Variants in DPP10 observed in about 807,000 individuals in gnomAD.
The protein encoded by DPP10 is dipeptidyl peptidase like 10.
In DPP10, 33 loss-of-function variants were observed where a neutral mutation model predicts 120.9. The observed-to-expected ratio is 0.27, with a 90% CI of 0.21 to 0.37. The LOEUF (loss-of-function observed/expected upper bound fraction) is 0.37, where lower values mean the gene tolerates loss of function less well. DPP10 is among the 10% of genes least tolerant of loss of function. DPP10 has a pLI of 1.00. For missense variants in DPP10, 816 were observed against 942.8 expected, an observed-to-expected ratio of 0.87 and a Z score of 1.76; for synonymous variants, 337 against 326.1, an observed-to-expected ratio of 1.03 and a Z score of -0.36.
At chr2:114,647,545 A>G (rs140349544) in intron 1 of DPP10, among the ~76,000 whole-genome samples, 365 of 152,198 alleles carry the variant, frequency 2.4e-3, no homozygotes, top group African/African-American at 8.4e-3. Context: ...TGGGTTCTAC[A>G]CCTGTAATGA....
At chr2:115,263,575 A>T (rs545438656) in intron 1 of DPP10, among the ~76,000 whole-genome samples, 1 of 150,738 alleles carries the variant, frequency 6.6e-6, no homozygotes, top group African/African-American at 2.4e-5. Context: ...CCTCTATAGA[A>T]TATGTGCTAT....
chr2:115,754,290 C>A (rs1679121262), intron 11 of DPP10, among the ~76,000 whole-genome samples: 1 of 152,120 alleles, frequency 6.6e-6, no homozygotes, highest in Non-Finnish European at 1.5e-5. Flanking sequence ...AGGACTCCAG[C>A]AATCTATGGA....
At position 114,794,832 on chromosome 2, in the gene DPP10, T is replaced by A. The variant is rs534412298; in HGVS notation, c.60+351994T>A. The stretch of plus-strand genomic sequence containing the variant: ...GTGTCAAAAATACAGTTTTACATTA[T>A]TTTTTCATTCGCGTTATTAAACATT... On this transcript the variant is annotated intron_variant, in intron 1 of 25. Coordinates refer to ENST00000410059, the MANE Select transcript of DPP10 (RefSeq NM_020868.6). Among the ~76,000 whole-genome samples, 10 of 152,316 alleles carry A rather than the reference T, an allele frequency of 6.6e-5. No homozygotes were observed. In the East Asian group the frequency reaches 1.9e-3, roughly 29 times the overall value.
intron 1 of DPP10, among the ~76,000 whole-genome samples, chr2:115,132,514 C>T (rs947219794): frequency 2.6e-5 from 4 of 152,196 alleles, no homozygotes; most frequent in African/African-American, 9.6e-5. Flanking sequence ...TCTGTCATTT[C>T]TGTCATGTGA....
At chr2:115,245,005 TC>T (rs1432498209) in intron 1 of DPP10, among the ~76,000 whole-genome samples, 1 of 151,800 alleles carries the variant, frequency 6.6e-6, no homozygotes, top group East Asian at 1.9e-4. Flanking sequence ...CTCAGCCCCT[TC>T]CCCCCGAGTC....
At chr2:115,824,663 A>G (rs2150072738) in intron 21 of DPP10, among the ~76,000 whole-genome samples, 1 of 152,110 alleles carries the variant, frequency 6.6e-6, no homozygotes, top group South Asian at 2.1e-4. Context: ...ATTCTTTTTT[A>G]TGGCCACTTC....
At chr2:114,886,090 C>G (rs1180429602) in intron 1 of DPP10, among the ~76,000 whole-genome samples, 1 of 152,062 alleles carries the variant, frequency 6.6e-6, no homozygotes, top group Admixed American at 6.5e-5. Context: ...ATCAAATGAT[C>G]TTACTTTTGG....
intron 1 of DPP10, among the ~76,000 whole-genome samples, chr2:114,775,556 G>A (rs1681651098): frequency 6.6e-6 from 1 of 152,034 alleles, no homozygotes; most frequent in African/African-American, 2.4e-5. Flanking sequence ...GTATAAACTG[G>A]GCTTAAACTA....
At chr2:115,150,183 T>C (rs1226746205) in intron 1 of DPP10, among the ~76,000 whole-genome samples, 4 of 152,214 alleles carry the variant, frequency 2.6e-5, no homozygotes, top group Non-Finnish European at 4.4e-5. Context: ...ACAAGCCCTA[T>C]GAAGGGGACT....
chr2:115,831,891 C>T (rs899506289), intron 21 of DPP10, among the ~76,000 whole-genome samples: 2 of 152,156 alleles, frequency 1.3e-5, no homozygotes, highest in African/African-American at 2.4e-5. Context: ...AATCCGATCA[C>T]GGGAAGACCA....
intron 3 of DPP10, among the ~76,000 whole-genome samples, chr2:115,486,137 T>TA (rs1279656665): frequency 6.6e-6 from 1 of 152,150 alleles, no homozygotes; most frequent in African/African-American, 2.4e-5. Flanking sequence ...TCGGAAAATA[T>TA]AAAAAATTAT....
At chr2:114,799,195 G>A (rs1454946362) in intron 1 of DPP10, among the ~76,000 whole-genome samples, 2 of 152,138 alleles carry the variant, frequency 1.3e-5, no homozygotes, top group Non-Finnish European at 2.9e-5. Flanking sequence ...AGAGTACAGG[G>A]TTGCAGTTCA....
intron 1 of DPP10, among the ~76,000 whole-genome samples, chr2:115,288,412 C>T (rs1271470741): frequency 6.6e-6 from 1 of 152,008 alleles, no homozygotes; most frequent in Non-Finnish European, 1.5e-5. Context: ...TCCAACATCT[C>T]TTTATGATAA....
chr2:115,068,788 G>T (rs993063639), intron 1 of DPP10, among the ~76,000 whole-genome samples: 5 of 152,110 alleles, frequency 3.3e-5, no homozygotes, highest in Non-Finnish European at 7.4e-5. Context: ...TCTGCATTTA[G>T]ATAAGCAGTT....
chr2:114,687,867 C>T (rs980317754), intron 1 of DPP10, among the ~76,000 whole-genome samples: 2 of 151,962 alleles, frequency 1.3e-5, no homozygotes, highest in African/African-American at 4.8e-5. Flanking sequence ...CACAGAGTCC[C>T]GTCTCTTCAG....
At chr2:115,743,901 A>G (rs1024961532) in intron 9 of DPP10, among the ~76,000 whole-genome samples, 1 of 150,652 alleles carries the variant, frequency 6.6e-6, no homozygotes, top group Non-Finnish European at 1.5e-5. Context: ...CCAGCATCAT[A>G]GGGCATCAGC....
In DPP10 at chr2:115,517,034, T is replaced by C. The variant is rs77046038; in HGVS notation, c.367-8864T>C. Among the ~76,000 whole-genome samples, 1,251 of 152,248 alleles carry C rather than the reference T, an allele frequency of 8.2e-3. 17 individuals are homozygous for C. Among genetic ancestry groups the C allele is most frequent in the African/African-American group, 0.029 (1,211 of 41,558 alleles). On this transcript the variant is annotated intron_variant, in intron 4 of 25. Coordinates refer to ENST00000410059, the MANE Select transcript of DPP10 (RefSeq NM_020868.6). The stretch of plus-strand genomic sequence containing the variant: ...TGATAGCAGGAATGTCATTTGTGTT[T>C]TTACTTTGGGTAAAATTTTGTCATT...
chr2:115,457,716 C>G (rs1040895736), intron 3 of DPP10, among the ~76,000 whole-genome samples: 2 of 152,002 alleles, frequency 1.3e-5, no homozygotes, highest in Non-Finnish European at 2.9e-5. Context: ...TTATGCATTG[C>G]TGGTGGAAAT....
chr2:114,797,237 G>A (rs1683795200), intron 1 of DPP10, among the ~76,000 whole-genome samples: 1 of 152,126 alleles, frequency 6.6e-6, no homozygotes, highest in South Asian at 2.1e-4. Context: ...TTTCAGAGTT[G>A]AATATCTGAT....
Sources: gnomAD v4.1 joint callset for allele counts (sites outside exome capture counted in the v4.1 genomes callset) on GRCh38, gnomAD v4.1.1 for gene constraint, MANE v1.5 for transcripts, NCBI Gene and HGNC (gene_info 2026-07-23, HGNC 2026-07-21) for gene names.